The following MKNK1 variants were observed in gnomAD, a reference collection of about 807,000 sequenced individuals.
MKNK1 encodes MAP kinase-interacting serine/threonine-protein kinase 1.
MKNK1 carries 30 observed loss-of-function variants against 49.3 expected under a neutral mutation model. The ratio of observed to expected loss-of-function variants is 0.61; its 90% CI spans 0.46 to 0.83. The LOEUF (loss-of-function observed/expected upper bound fraction) is 0.83, where lower values mean the gene tolerates loss of function less well. Ranked by LOEUF, MKNK1 falls within the 40% of genes least tolerant of loss-of-function variation. The pLI is 0.00. For synonymous variants in MKNK1, 176 were observed against 201.7 expected (o/e 0.87, Z 1.08); for missense variants, 423 against 524.7 (o/e 0.81, Z 1.89).
At chr1:46,568,692 CT>C (rs1394635478) in intron 7 of MKNK1, 194 bp from the exon 8 acceptor site, 3 of 594,748 alleles carry the variant, frequency 5.0e-6, no homozygotes, top group Non-Finnish European at 6.0e-6. Context: ...TCTGCGGGTT[CT>C]TTTGAAGAGG....
intron 6 of MKNK1, 86 bp downstream of exon 6, chr1:46,574,861 G>T: frequency 2.2e-6 from 2 of 905,602 alleles, no homozygotes; most frequent in Non-Finnish European, 3.4e-6. Flanking sequence ...AGCTTGACTC[G>T]TTTTGGAAGT....
intron 2 of MKNK1, among the ~76,000 whole-genome samples, chr1:46,588,726 A>G (rs992381923): frequency 1.3e-4 from 20 of 151,654 alleles, no homozygotes; most frequent in African/African-American, 2.2e-4. Context: ...AGAATGGCGT[A>G]AACCCCGGGG....
intron 2 of MKNK1, chr1:46,584,494 T>G (rs955848937): frequency 2.6e-5 from 4 of 151,764 alleles, no homozygotes; most frequent in Non-Finnish European, 5.9e-5. Flanking sequence ...TTGGTGTTTT[T>G]TTTTTTTTTT....
chr1:46,596,320 G>A (rs1674059035), intron 1 of MKNK1, among the ~76,000 whole-genome samples: 1 of 152,170 alleles, frequency 6.6e-6, no homozygotes, highest in South Asian at 2.1e-4. Flanking sequence ...ATTTTCATGT[G>A]TCATAAAATA....
At chr1:46,576,140 A>C (rs1217401330) in intron 5 of MKNK1, 1 of 161,564 alleles carries the variant, frequency 6.2e-6, no homozygotes, top group Non-Finnish European at 1.3e-5. Context: ...CCAGGATCTT[A>C]GTGGTATCTG....
intron 5 of MKNK1, chr1:46,575,626 T>C (rs1322423992): frequency 1.3e-5 from 2 of 152,274 alleles, no homozygotes; most frequent in African/African-American, 4.8e-5. Flanking sequence ...TTCAGTGCTC[T>C]GCCAACAAGG....
At chr1:46,587,285 C>G (rs181885552) in intron 2 of MKNK1, among the ~76,000 whole-genome samples, 1 of 152,130 alleles carries the variant, frequency 6.6e-6, no homozygotes, top group East Asian at 1.9e-4. Flanking sequence ...GGGAACGGCT[C>G]GGCGGTCCAC....
In MKNK1 at chr1:46,576,612, G is replaced by C; in HGVS notation, c.241C>G (p.Arg81Gly). The C allele has an allele frequency of 1.2e-6, 2 of 1,614,024 alleles. No homozygotes were observed. The highest frequency in any genetic ancestry group is 1.7e-6 in the Non-Finnish European group (2 of 1,179,986). The part of the protein sequence containing the change: ...QAGHSRSRVF[R>G]EVETLYQCQG... ...CACTGATACAGCGTCTCCACCTCTC[G>C]AAACACCCTACTCCGACTGTGCCCT... is the stretch of plus-strand genomic sequence containing the variant. Residue 81 changes from arginine to glycine, a missense_variant, in exon 5 of 13, where the codon CGA becomes GGA. Transcript: ENST00000371945.
At chr1:46,577,449 CCAGCCTAAGTAA>C (rs1671140021) in intron 4 of MKNK1, among the ~76,000 whole-genome samples, 1 of 151,516 alleles carries the variant, frequency 6.6e-6, no homozygotes, top group Admixed American at 6.6e-5. Flanking sequence ...CCATTGCACT[CCAGCCTAAGTAA>C]CAGAGAGACT....
At chr1:46,571,067 AT>A (rs1403723065) in intron 7 of MKNK1, among the ~76,000 whole-genome samples, 4 of 152,254 alleles carry the variant, frequency 2.6e-5, no homozygotes, top group African/African-American at 9.6e-5. Flanking sequence ...AAAAAAAAGT[AT>A]GTAATAGTCA....
At chr1:46,588,633 C>T (rs1197710280) in intron 2 of MKNK1, among the ~76,000 whole-genome samples, 1 of 152,014 alleles carries the variant, frequency 6.6e-6, no homozygotes, top group African/African-American at 2.4e-5. Flanking sequence ...CGGTGAAACC[C>T]CATCTCTACT....
chr1:46,558,935 C>A, intron 12 of MKNK1, 135 bp from the exon 13 acceptor site: 1 of 714,302 alleles, frequency 1.4e-6, no homozygotes, highest in African/African-American at 1.8e-5. Flanking sequence ...GGGCTGCTCT[C>A]TCCAAAGTAG....
intron 12 of MKNK1, chr1:46,559,747 C>A (rs991186559): frequency 5.9e-6 from 1 of 168,148 alleles, no homozygotes; most frequent in Non-Finnish European, 1.3e-5. Context: ...TGGATTCAAG[C>A]GATTCTCCTG....
At chr1:46,564,466 GTTTTTTTTTTTTTTTTT>G (rs568296534) in intron 9 of MKNK1, among the ~76,000 whole-genome samples, 36 of 70,170 alleles carry the variant, frequency 5.1e-4, no homozygotes, top group African/African-American at 2.2e-3. Flanking sequence ...TTTTTTTATT[GTTTTTTTTTTTTTTTTT>G]TTTTTTTTTT....
At chr1:46,601,089 G>A (rs1042354757) in intron 1 of MKNK1, among the ~76,000 whole-genome samples, 4 of 152,100 alleles carry the variant, frequency 2.6e-5, no homozygotes, top group Non-Finnish European at 4.4e-5. Context: ...GCTAATTTTT[G>A]TATTTTTAGT....
At chr1:46,599,535 G>A (rs1240914321) in intron 1 of MKNK1, among the ~76,000 whole-genome samples, 1 of 152,174 alleles carries the variant, frequency 6.6e-6, no homozygotes, top group African/African-American at 2.4e-5. Flanking sequence ...AGTCCATGCA[G>A]CTTCCAAACT....
intron 6 of MKNK1, among the ~76,000 whole-genome samples, chr1:46,573,376 TTAAC>T (rs1238930100): frequency 1.3e-5 from 2 of 152,248 alleles, no homozygotes; most frequent in African/African-American, 4.8e-5. Context: ...AAACATGTAA[TTAAC>T]AGTCAGTCAT....
Position 46,561,510 on chromosome 1 carries a change from C to A in MKNK1, c.937G>T (p.Ala313Ser). 6.2e-7 allele frequency: 1 copy of A among 1,613,656 alleles called. No individual in the cohort carries two copies. ...VRDAKQRLSAAQVLQHPWVQG... is the reference protein window; with the variant it reads ...VRDAKQRLSASQVLQHPWVQG... ...ACCCATGGGTGCTGCAGAACTTGGGCGGCGCTAAGTCTCTGCTTTGCATCT... is the reference window on the plus strand; with the variant it reads ...ACCCATGGGTGCTGCAGAACTTGGGAGGCGCTAAGTCTCTGCTTTGCATCT... The change falls in exon 11 of 13, where the codon GCC becomes TCC. Residue 313 changes from alanine to serine, a missense_variant. Physicochemically the swap from Ala to Ser is moderately conservative, Grantham distance 99. Transcript: ENST00000371945.
chr1:46,562,161 C>T (rs566364850), intron 10 of MKNK1, among the ~76,000 whole-genome samples: 22 of 152,062 alleles, frequency 1.4e-4, no homozygotes, highest in Admixed American at 8.5e-4. Flanking sequence ...TTTGGGAGGC[C>T]GAGGCGGGAG....
Sources: allele counts gnomAD v4.1 joint callset (sites outside exome capture counted in the v4.1 genomes callset), GRCh38; gene constraint gnomAD v4.1.1; transcripts MANE v1.5; gene names NCBI Gene and HGNC (gene_info 2026-07-23, HGNC 2026-07-21).